HAMP: variants seen among roughly 807,000 people sequenced by gnomAD.
The protein encoded by HAMP is hepcidin antimicrobial peptide, also known as hepcidin.
In HAMP, 5 loss-of-function variants were observed where a neutral mutation model predicts 7.8. The ratio of observed to expected loss-of-function variants is 0.64; its 90% CI spans 0.33 to 1.34. The LOEUF (loss-of-function observed/expected upper bound fraction) is 1.34. Among genes scored for constraint, HAMP ranks in the 40% most tolerant of loss-of-function variants. HAMP has a pLI of 0.05. For synonymous variants in HAMP, 52 were observed against 38.6 expected, an observed-to-expected ratio of 1.35 and a Z score of -1.28; for missense variants, 105 against 104.1, an observed-to-expected ratio of 1.01 and a Z score of -0.04.
In HAMP at chr19:35,285,053, C is replaced by T; in HGVS notation, c.*11C>T. 1.3e-6 allele frequency: 2 copies of T among 1,542,574 alleles called. No individual in the cohort carries two copies. The highest frequency in any genetic ancestry group is 1.8e-6 in the Non-Finnish European group (2 of 1,114,374). On this transcript the variant is annotated 3_prime_UTR_variant, in exon 3 of 3. Transcript: ENST00000222304. ...TGCTGCAAGACGTAGAACCTACCTG[C>T]CCTGCCCCCGTCCCCTCCCTTCCTT...
chr19:35,283,332 G>A (rs2066312066), intron 1 of HAMP: 2 of 157,190 alleles, frequency 1.3e-5, no homozygotes, highest in African/African-American at 2.4e-5. Flanking sequence ...AACAGACAGT[G>A]GTAGAGTGAC....
chr19:35,284,468 C>T, intron 1 of HAMP: 1 of 486,738 alleles, frequency 2.1e-6, no homozygotes, highest in Non-Finnish European at 3.7e-6. Context: ...AAAAGTGACT[C>T]TGCTGTGTGG....
At chr19:35,282,758 A>C in intron 1 of HAMP, 91 bp downstream of exon 1, 1 of 998,024 alleles carries the variant, frequency 1.0e-6, no homozygotes, top group Non-Finnish European at 1.6e-6. Context: ...CCGAGCACTG[A>C]GCAGAGCTCA....
chr19:35,282,674 G>C lies in HAMP; in HGVS notation c.90+7G>C. On this transcript the variant is annotated splice_region_variant and intron_variant, in intron 1 of 2. Transcript: ENST00000222304. ...CTCTGTTTTCCCACAACAGGTGAGA[G>C]CCCAGTGGCCTGGGTCCTTAGCAGG... 1 of 1,608,452 alleles carries C rather than the reference G, an allele frequency of 6.2e-7. No homozygotes were observed. The highest frequency in any genetic ancestry group is 8.5e-7 in the Non-Finnish European group (1 of 1,174,872).
Position 35,282,625 on chromosome 19 carries a change from C to T in HAMP, c.48C>T (p.Leu16=), listed in dbSNP as rs990022453. Residue 16 remains leucine, a synonymous_variant, in exon 1 of 3, where the codon CTC becomes CTT. Coordinates refer to ENST00000222304, the MANE Select transcript of HAMP (RefSeq NM_021175.4). The stretch of plus-strand genomic sequence containing the variant: ...GGGCCGCTTGCCTCCTGCTCCTCCT[C>T]CTCCTCGCCAGCCTGACCAGTGGCT... ...QIWAACLLLL[L]LLASLTSGSV... is the part of the protein sequence containing the mutation. The T allele has an allele frequency of 1.2e-6, 2 of 1,614,016 alleles. No individual in the cohort carries two copies. The highest frequency in any genetic ancestry group is 1.7e-6 in the Non-Finnish European group (2 of 1,180,000).
chr19:35,283,252 G>A (rs762671926), intron 1 of HAMP: 16 of 168,902 alleles, frequency 9.5e-5, no homozygotes, highest in Non-Finnish European at 2.0e-4. Context: ...CCTGGTCAGG[G>A]AATTTGTTAA....
intron 1 of HAMP, chr19:35,283,007 C>A (rs2066310752): frequency 8.7e-6 from 3 of 344,832 alleles, no homozygotes; most frequent in East Asian, 7.4e-5. Context: ...ATTGCTTGAA[C>A]CCGCAAGGTG....
chr19:35,282,594 A>G lies in HAMP; in HGVS notation c.17A>G (p.Gln6Arg). MALSS[Q>R]IWAACLLLLL... ...GACGGCACGATGGCACTGAGCTCCC[A>G]GATCTGGGCCGCTTGCCTCCTGCTC... Residue 6 changes from glutamine (Q) to arginine (R), a missense_variant, in exon 1 of 3, where the codon CAG becomes CGG. Physicochemically the swap from Gln to Arg is conservative, Grantham distance 43. Transcript: ENST00000222304. 1.2e-6 allele frequency: 2 copies of G among 1,614,108 alleles called. No homozygotes were observed. Among genetic ancestry groups the G allele is most frequent in the Non-Finnish European group, 1.7e-6 (2 of 1,179,960 alleles).
Position 35,282,616 on chromosome 19 carries a change from G to C in HAMP, c.39G>C (p.Leu13=). 6.2e-7 allele frequency: 1 copy of C among 1,613,664 alleles called. No individual in the cohort carries two copies. Among genetic ancestry groups the C allele is most frequent in the Non-Finnish European group, 8.5e-7 (1 of 1,179,598 alleles). Residue 13 remains leucine, a synonymous_variant, in exon 1 of 3, where the codon CTG becomes CTC. Coordinates refer to ENST00000222304, the MANE Select transcript of HAMP (RefSeq NM_021175.4). The part of the protein sequence containing the change: ...LSSQIWAACL[L]LLLLLASLTS... The stretch of plus-strand genomic sequence containing the variant: ...CCCAGATCTGGGCCGCTTGCCTCCT[G>C]CTCCTCCTCCTCCTCGCCAGCCTGA...
intron 1 of HAMP, chr19:35,284,560 AAAG>A: frequency 1.7e-6 from 1 of 595,460 alleles, no homozygotes; most frequent in Non-Finnish European, 3.0e-6. Flanking sequence ...GTGATATCCC[AAAG>A]AAGAGTAGCA....
In HAMP at chr19:35,282,571, C is replaced by T. The variant is rs370397195; in HGVS notation, c.-7C>T. ...CCCAGCAGTGGGACAGCCAGACAGA[C>T]GGCACGATGGCACTGAGCTCCCAGA... On this transcript the variant is annotated 5_prime_UTR_variant, in exon 1 of 3. It adds an upstream start codon to the 5' untranslated region. Coordinates refer to ENST00000222304, the MANE Select transcript of HAMP (RefSeq NM_021175.4). The T allele has an allele frequency of 5.3e-5, 85 of 1,612,160 alleles. No homozygotes were observed. The highest frequency in any genetic ancestry group is 1.5e-4 in the Admixed American group (9 of 60,008).
chr19:35,285,033 C>T lies in HAMP; in HGVS notation c.246C>T (p.Cys82=). Residue 82 remains cysteine (C), a synonymous_variant, in exon 3 of 3, where the codon TGC becomes TGT. Coordinates refer to ENST00000222304, the MANE Select transcript of HAMP (RefSeq NM_021175.4). ...ATCGATCAAAGTGTGGGATGTGCTG[C>T]AAGACGTAGAACCTACCTGCCCTGC... ...CCHRSKCGMC[C]KT 6.2e-7 allele frequency: 1 copy of T among 1,609,750 alleles called. No individual in the cohort carries two copies. Among genetic ancestry groups the T allele is most frequent in the Non-Finnish European group, 8.5e-7 (1 of 1,175,994 alleles).
At chr19:35,284,383 T>C (rs1377752927) in intron 1 of HAMP, 3 of 263,088 alleles carry the variant, frequency 1.1e-5, no homozygotes, top group Admixed American at 9.8e-5. Context: ...AGGTCAAGGC[T>C]GCAGGGAGCT....
chr19:35,284,797 A>C lies in HAMP; in HGVS notation c.99A>C (p.Gln33His), dbSNP rs761276428. ...SGSVFPQQTG[Q>H]LAELQPQDRA... ...CCCTTCTGCTTTCACAGACGGGACA[A>C]CTTGCAGAGCTGCAACCCCAGGACA... Residue 33 changes from glutamine (Q) to histidine (H), a missense_variant, in exon 2 of 3, where the codon CAA becomes CAC. Gln to His is a conservative substitution (Grantham distance 24). Transcript: ENST00000222304. 8.7e-6 allele frequency: 14 copies of C among 1,613,706 alleles called. No homozygotes were observed. Among genetic ancestry groups the C allele is most frequent in the Non-Finnish European group, 1.2e-5 (14 of 1,179,794 alleles).
chr19:35,282,637 C>G lies in HAMP; in HGVS notation c.60C>G (p.Ser20Arg), dbSNP rs1439567207. The G allele has an allele frequency of 6.2e-7, 1 of 1,614,114 alleles. No individual in the cohort carries two copies. The highest frequency in any genetic ancestry group is 1.7e-5 in the Admixed American group (1 of 60,034). ...ACLLLLLLLASLTSGSVFPQQ... is the reference protein window; with the variant it reads ...ACLLLLLLLARLTSGSVFPQQ... Reference sequence around the variant, plus strand: ...TCCTGCTCCTCCTCCTCCTCGCCAGCCTGACCAGTGGCTCTGTTTTCCCAC... The same window carrying G: ...TCCTGCTCCTCCTCCTCCTCGCCAGGCTGACCAGTGGCTCTGTTTTCCCAC... Residue 20 changes from serine to arginine, a missense_variant, in exon 1 of 3, where the codon AGC (serine) becomes AGG (arginine). Transcript: ENST00000222304.
chr19:35,284,669 C>T (rs2066317887), intron 1 of HAMP, 120 bp from the exon 2 acceptor site: 1 of 775,330 alleles, frequency 1.3e-6, no homozygotes, highest in African/African-American at 1.7e-5. Flanking sequence ...CAAGGCCCCT[C>T]CTAAGAGTCC....
Position 35,284,536 on chromosome 19 carries a change from C to T in HAMP, c.91-253C>T, listed in dbSNP as rs2066317200. On this transcript the variant is annotated intron_variant, in intron 1 of 2. Coordinates refer to ENST00000222304, the MANE Select transcript of HAMP (RefSeq NM_021175.4). ...TGTGTTAGGAGGCTGGCACTGGCAT[C>T]CAGGCAGGGGAAGGTGATATCCCAA... 5 of 582,698 alleles carry T rather than the reference C, an allele frequency of 8.6e-6. No individual in the cohort carries two copies. The Admixed American group carries it at 1.5e-4, about 17-fold the overall frequency. 36.1% of individuals were successfully genotyped at this position (582,698 alleles called of 1,614,324 possible).
rs374220530 is a variant in HAMP, at chr19:35,282,723, C to A, written c.90+56C>A. ...GGGCAGCAGGGATGGGAGAGCCAGG[C>A]CTCAGCCTAGGGCACTGGAGACACC... On this transcript the variant is annotated intron_variant, in intron 1 of 2. Coordinates refer to ENST00000222304, the MANE Select transcript of HAMP (RefSeq NM_021175.4). 22 of 1,387,502 alleles carry A rather than the reference C, an allele frequency of 1.6e-5. No homozygotes were observed. In the African/African-American group the frequency reaches 2.8e-4, roughly 18 times the overall value. 85.9% of individuals were successfully genotyped at this position (1,387,502 alleles called of 1,614,324 possible). A position where few individuals can be genotyped will look rare whatever the true frequency, so the allele number is the denominator to read the frequency against.
intron 1 of HAMP, chr19:35,283,661 T>A (rs994067868): frequency 6.6e-6 from 1 of 152,280 alleles, no homozygotes. Context: ...CAAGCCAGCA[T>A]AGCCCAGGGT....
Sources: allele counts gnomAD v4.1 joint callset, GRCh38; gene constraint gnomAD v4.1.1; transcripts MANE v1.5; gene names NCBI Gene and HGNC (gene_info 2026-07-23, HGNC 2026-07-21).